Variants in UGT2B7 observed in about 807,000 individuals in gnomAD.
The protein encoded by UGT2B7 is UDP-glucuronosyltransferase 2B7.
UGT2B7 carries 51 observed loss-of-function variants against 51.9 expected under a neutral mutation model. The observed-to-expected ratio is 0.98, with a 90% confidence interval of 0.78 to 1.24. The LOEUF (loss-of-function observed/expected upper bound fraction) is 1.24. Ranked by LOEUF, UGT2B7 falls within the 50% of genes most tolerant of loss-of-function variation. The pLI, the probability that UGT2B7 is intolerant of heterozygous loss-of-function variation, is 0.00. For missense variants in UGT2B7, 727 were observed against 628.4 expected (o/e 1.16, Z -1.68); for synonymous variants, 225 against 211.6 (o/e 1.06, Z -0.55).
chr4:69,070,437 G>GAA lies in UGT2B7; in HGVS notation c.-159+18846_-159+18847dup, dbSNP rs35601781. Among the ~76,000 whole-genome samples the GAA allele has an allele frequency of 8.8e-4, 124 of 140,174 alleles. No individual in the cohort carries two copies. In the East Asian group the frequency reaches 0.016, roughly 18 times the overall value. 92.0% of individuals were successfully genotyped at this position (140,174 alleles called of 152,430 possible). A position where few individuals can be genotyped will look rare whatever the true frequency, so the allele number is the denominator to read the frequency against. On this transcript the variant is annotated intron_variant, in intron 1 of 5. Transcript: ENST00000502942. ...ATATGGAATATATGTGTCCCTGTCA[G>GAA]AAAAAAAAAAAAGAAAAACAGAGCA... is the stretch of plus-strand genomic sequence containing the variant.
At chr4:69,077,065 A>G (rs1021218188) in intron 1 of UGT2B7, among the ~76,000 whole-genome samples, 1 of 152,012 alleles carries the variant, frequency 6.6e-6, no homozygotes, top group African/African-American at 2.4e-5. Context: ...TGTTTTTGTC[A>G]GTTTTGTCAA....
At chr4:69,070,992 T>C (rs1577910973) in intron 1 of UGT2B7, among the ~76,000 whole-genome samples, 1 of 152,154 alleles carries the variant, frequency 6.6e-6, no homozygotes, top group Non-Finnish European at 1.5e-5. Flanking sequence ...TGTAAAACTA[T>C]GCAAACTAGT....
At chr4:69,112,424 T>G in intron 5 of UGT2B7, 33 bp from the exon 6 acceptor site, 1 of 1,597,630 alleles carries the variant, frequency 6.3e-7, no homozygotes, top group African/African-American at 1.3e-5. Context: ...TAACTCTTCC[T>G]GCTACATTAC....
chr4:69,102,164 G>A (rs1346764741), intron 2 of UGT2B7, among the ~76,000 whole-genome samples: 6 of 152,192 alleles, frequency 3.9e-5, no homozygotes, highest in South Asian at 4.2e-4. Flanking sequence ...GAATGTCAGC[G>A]GTTCTTAACC....
chr4:69,064,089 A>AG lies in UGT2B7; in HGVS notation c.-159+12487_-159+12488insG, dbSNP rs1491340176. Among the ~76,000 whole-genome samples, 218 of 104,834 alleles carry AG rather than the reference A, an allele frequency of 2.1e-3. 5 individuals are homozygous for AG. The highest frequency in any genetic ancestry group is 5.2e-3 in the Middle Eastern group (1 of 192). 68.8% of individuals were successfully genotyped at this position (104,834 alleles called of 152,430 possible). A position where few individuals can be genotyped will look rare whatever the true frequency, so the allele number is the denominator to read the frequency against. On this transcript the variant is annotated intron_variant, in intron 1 of 5. Transcript: ENST00000502942. ...GAAAGAAAGAAAGAAAGAAAGAAAGAAAGAAAGAGAAAGAAAGAAAGAAAA... is the reference window on the plus strand; with the variant it reads ...GAAAGAAAGAAAGAAAGAAAGAAAGAGAAGAAAGAGAAAGAAAGAAAGAAAA...
chr4:69,071,536 A>G (rs564960691), intron 1 of UGT2B7, among the ~76,000 whole-genome samples: 2 of 152,246 alleles, frequency 1.3e-5, no homozygotes, highest in African/African-American at 2.4e-5. Flanking sequence ...AAGGGAACAA[A>G]CTTAAGAGCT....
chr4:69,073,908 T>G (rs1363720279), intron 1 of UGT2B7, among the ~76,000 whole-genome samples: 2 of 152,182 alleles, frequency 1.3e-5, no homozygotes, highest in Non-Finnish European at 1.5e-5. Flanking sequence ...GTAATCAACC[T>G]TCATTTCATA....
At chr4:69,074,721 T>C (rs1718667128) in intron 1 of UGT2B7, among the ~76,000 whole-genome samples, 1 of 152,078 alleles carries the variant, frequency 6.6e-6, no homozygotes, top group African/African-American at 2.4e-5. Flanking sequence ...ACTCTGTAAA[T>C]TTTTGTTCCT....
chr4:69,068,092 T>C (rs1718520522), intron 1 of UGT2B7, among the ~76,000 whole-genome samples: 1 of 152,102 alleles, frequency 6.6e-6, no homozygotes, highest in African/African-American at 2.4e-5. Flanking sequence ...GTTACCATAA[T>C]AAAACAAATA....
chr4:69,106,060 T>C (rs1260897940), intron 3 of UGT2B7, among the ~76,000 whole-genome samples: 1 of 152,080 alleles, frequency 6.6e-6, no homozygotes, highest in African/African-American at 2.4e-5. Context: ...TTTTTATACA[T>C]TTTTAGAATA....
intron 1 of UGT2B7, among the ~76,000 whole-genome samples, chr4:69,053,283 C>T (rs183256797): frequency 0.013 from 1,989 of 152,176 alleles, 48 homozygotes; most frequent in South Asian, 0.049. Context: ...TGGTGTTTAG[C>T]TTTCTTTGGT....
intron 1 of UGT2B7, among the ~76,000 whole-genome samples, chr4:69,065,145 T>G (rs1420299409): frequency 1.3e-5 from 2 of 152,166 alleles, no homozygotes; most frequent in African/African-American, 4.8e-5. Context: ...TTCCATGTAA[T>G]CTGGGGCTCT....
chr4:69,112,634 C>T lies in UGT2B7; in HGVS notation c.1488C>T (p.Phe496=), dbSNP rs552807703. Residue 496 remains phenylalanine (F), a synonymous_variant, in exon 6 of 6, where the codon TTC becomes TTT. Coordinates refer to ENST00000305231, the MANE Select transcript of UGT2B7 (RefSeq NM_001074.4). ...ACCACTCTTTGGATGTGATTGGGTT[C>T]CTGCTGGTCTGTGTGGCAACTGTGA... ...FQYHSLDVIG[F]LLVCVATVIF... The T allele has an allele frequency of 1.1e-5, 18 of 1,613,738 alleles. No homozygotes were observed. In the African/African-American group the frequency reaches 2.3e-4, roughly 20 times the overall value.
In UGT2B7 at chr4:69,096,705, T is replaced by C; in HGVS notation, c.185T>C (p.Ile62Thr). The C allele has an allele frequency of 6.2e-7, 1 of 1,614,030 alleles. No individual in the cohort carries two copies. ...EVTVLASSAS[I>T]LFDPNNSSAL... Reference sequence around the variant, plus strand: ...ACTGTACTGGCATCTTCAGCTTCCATTCTTTTTGATCCCAACAACTCATCC... The same window carrying C: ...ACTGTACTGGCATCTTCAGCTTCCACTCTTTTTGATCCCAACAACTCATCC... Residue 62 changes from isoleucine (I) to threonine (T), a missense_variant, in exon 1 of 6, where the codon ATT (isoleucine) becomes ACT (threonine). Transcript: ENST00000305231.
chr4:69,080,439 T>C (rs1273973049), intron 1 of UGT2B7, among the ~76,000 whole-genome samples: 1 of 150,454 alleles, frequency 6.6e-6, no homozygotes, highest in Non-Finnish European at 1.5e-5. Context: ...TCTCAGCTAC[T>C]CAGGAGACTA....
At chr4:69,074,582 A>G (rs1718665042) in intron 1 of UGT2B7, among the ~76,000 whole-genome samples, 1 of 151,894 alleles carries the variant, frequency 6.6e-6, no homozygotes, top group African/African-American at 2.4e-5. Context: ...TGATTTCTGC[A>G]ACATCCCTCA....
At chr4:69,096,417 T>A, upstream of UGT2B7, 1 of 1,556,854 alleles carries the variant, frequency 6.4e-7, no homozygotes, top group Non-Finnish European at 8.7e-7. Flanking sequence ...CTTTGACTTA[T>A]AAGGGTTACA....
chr4:69,086,256 T>C (rs1057223753), intron 1 of UGT2B7, among the ~76,000 whole-genome samples: 45 of 151,924 alleles, frequency 3.0e-4, no homozygotes, highest in African/African-American at 1.1e-3. Flanking sequence ...AATGGTTGTT[T>C]ATGAGCACAT....
Position 69,112,810 on chromosome 4 carries a change from G to C in UGT2B7, c.*74G>C. ...AGTTTATTCCAGCAAGAAAGATTGTGATGCAAGATTTCTTTCTTCCTGAGA... is the reference window on the plus strand; with the variant it reads ...AGTTTATTCCAGCAAGAAAGATTGTCATGCAAGATTTCTTTCTTCCTGAGA... On this transcript the variant is annotated 3_prime_UTR_variant, in exon 6 of 6. Coordinates refer to ENST00000305231, the MANE Select transcript of UGT2B7 (RefSeq NM_001074.4). The C allele has an allele frequency of 7.3e-7, 1 of 1,378,766 alleles. No homozygotes were observed. The highest frequency in any genetic ancestry group is 2.8e-5 in the Admixed American group (1 of 36,290). 85.4% of individuals were successfully genotyped at this position (1,378,766 alleles called of 1,614,324 possible). A position where few individuals can be genotyped will look rare whatever the true frequency, so the allele number is the denominator to read the frequency against.
Sources: gnomAD v4.1 joint callset for allele counts (sites outside exome capture counted in the v4.1 genomes callset) on GRCh38, gnomAD v4.1.1 for gene constraint, MANE v1.5 for transcripts, NCBI Gene and HGNC (gene_info 2026-07-23, HGNC 2026-07-21) for gene names.